WWOX: variants seen among roughly 807,000 people sequenced by gnomAD.
WWOX encodes WW domain-containing oxidoreductase.
WWOX carries 69 observed loss-of-function variants against 46.2 expected under a neutral mutation model. The observed-to-expected ratio is 1.49, with a 90% CI of 1.23 to 1.82. The LOEUF (loss-of-function observed/expected upper bound fraction) is 1.82. Ranked by LOEUF, WWOX falls within the 40% of genes most tolerant of loss-of-function variation. The pLI is 0.00. For synonymous variants in WWOX, 359 were observed against 202.6 expected, an observed-to-expected ratio of 1.77 and a Z score of -6.56; for missense variants, 919 against 542.6, an observed-to-expected ratio of 1.69 and a Z score of -6.89.
At chr16:78,973,909 T>G (rs2046521089) in intron 8 of WWOX, among the ~76,000 whole-genome samples, 1 of 152,236 alleles carries the variant, frequency 6.6e-6, no homozygotes, top group African/African-American at 2.4e-5. Context: ...TGTAGAATTT[T>G]GGTTTTTTCT....
At chr16:79,047,742 G>A (rs556300184) in intron 8 of WWOX, among the ~76,000 whole-genome samples, 10 of 131,182 alleles carry the variant, frequency 7.6e-5, no homozygotes, top group Admixed American at 2.6e-4. Context: ...GGAAGGTAAC[G>A]TCACAGGGCA....
At chr16:78,781,666 A>C (rs887130231) in intron 8 of WWOX, among the ~76,000 whole-genome samples, 1 of 152,156 alleles carries the variant, frequency 6.6e-6, no homozygotes, top group African/African-American at 2.4e-5. Context: ...TCATGCCTCT[A>C]ATCCTACCTG....
intron 8 of WWOX, among the ~76,000 whole-genome samples, chr16:79,003,843 G>C (rs899668595): frequency 2.6e-5 from 4 of 152,128 alleles, no homozygotes; most frequent in Admixed American, 6.5e-5. Context: ...CCACTGTATA[G>C]TCCTGAGCTC....
intron 8 of WWOX, among the ~76,000 whole-genome samples, chr16:79,136,241 T>A (rs1021483750): frequency 6.6e-6 from 1 of 152,046 alleles, no homozygotes. Flanking sequence ...CTTCTTTTTT[T>A]TTTTTTTTAA....
chr16:78,417,912 G>A lies in WWOX; in HGVS notation c.606-6958G>A, dbSNP rs550784598. On this transcript the variant is annotated intron_variant, in intron 6 of 8. Coordinates refer to ENST00000566780, the MANE Select transcript of WWOX (RefSeq NM_016373.4). Reference sequence around the variant, plus strand: ...TTCAGGTTTTAGGTAGGGGATGGGTGGGAAAACAGATGAGGCAACAGAATG... The same window carrying A: ...TTCAGGTTTTAGGTAGGGGATGGGTAGGAAAACAGATGAGGCAACAGAATG... 1.1e-3 allele frequency among the ~76,000 whole-genome samples: 164 copies of A among 152,282 alleles called. 1 individual carries two copies. The highest frequency in any genetic ancestry group is 1.9e-3 in the Non-Finnish European group (130 of 68,020).
At chr16:79,186,828 A>G (rs1402341689) in intron 8 of WWOX, among the ~76,000 whole-genome samples, 3 of 152,040 alleles carry the variant, frequency 2.0e-5, no homozygotes, top group East Asian at 1.9e-4. Flanking sequence ...CTTAGTCCAC[A>G]TTTCTCACCT....
At chr16:78,986,385 C>T (rs557037990) in intron 8 of WWOX, among the ~76,000 whole-genome samples, 5 of 152,254 alleles carry the variant, frequency 3.3e-5, no homozygotes, top group South Asian at 2.1e-4. Context: ...CTGTGCTCCA[C>T]GAAGAACAAT....
chr16:78,168,728 G>C (rs111834449), intron 5 of WWOX, among the ~76,000 whole-genome samples: 6 of 152,074 alleles, frequency 3.9e-5, no homozygotes, highest in Admixed American at 3.9e-4. Context: ...CTACCCTGTC[G>C]TCTCTTTATA....
intron 5 of WWOX, among the ~76,000 whole-genome samples, chr16:78,317,291 C>A (rs1346068149): frequency 6.6e-6 from 1 of 152,152 alleles, no homozygotes; most frequent in African/African-American, 2.4e-5. Context: ...GTCTGTCTCT[C>A]TCTGTCTCTG....
intron 4 of WWOX, among the ~76,000 whole-genome samples, chr16:78,128,097 G>A (rs985431384): frequency 1.5e-4 from 23 of 152,080 alleles, no homozygotes; most frequent in Non-Finnish European, 3.2e-4. Context: ...ATAGAAGAAA[G>A]ACTCCTAAAG....
At chr16:79,099,709 T>C (rs2049153233) in intron 8 of WWOX, among the ~76,000 whole-genome samples, 1 of 152,220 alleles carries the variant, frequency 6.6e-6, no homozygotes, top group Middle Eastern at 3.4e-3. Context: ...GGGCCGAAAA[T>C]AACATGAACT....
chr16:78,654,299 A>C (rs1217848552), intron 8 of WWOX, among the ~76,000 whole-genome samples: 2 of 152,226 alleles, frequency 1.3e-5, no homozygotes, highest in African/African-American at 4.8e-5. Context: ...ATGAAACATA[A>C]ATCCCTTTGT....
intron 8 of WWOX, among the ~76,000 whole-genome samples, chr16:79,014,716 A>C (rs929346416): frequency 1.3e-5 from 2 of 152,232 alleles, no homozygotes; most frequent in African/African-American, 4.8e-5. Context: ...AAGGCATAGA[A>C]ATTGAGTCAC....
rs374321971 is a variant in WWOX at position 78,179,308 on chromosome 16, C to T, written c.516+15019C>T. Among the ~76,000 whole-genome samples, 7 of 152,252 alleles carry T rather than the reference C, an allele frequency of 4.6e-5. No individual in the cohort carries two copies. In the East Asian group the frequency reaches 1.2e-3, roughly 25 times the overall value. On this transcript the variant is annotated intron_variant, in intron 5 of 8. Coordinates refer to ENST00000566780, the MANE Select transcript of WWOX (RefSeq NM_016373.4). ...TGAATTAGTAAAGTCATTTGTCCTT[C>T]TGGAAAGAGTTATGGATTAACAGAT...
At chr16:79,042,535 T>C (rs1429293859) in intron 8 of WWOX, among the ~76,000 whole-genome samples, 2 of 152,036 alleles carry the variant, frequency 1.3e-5, no homozygotes, top group Non-Finnish European at 2.9e-5. Flanking sequence ...ACTTACTCAA[T>C]AAAATGTGGG....
At chr16:78,221,679 G>A (rs2036893118) in intron 5 of WWOX, among the ~76,000 whole-genome samples, 1 of 152,182 alleles carries the variant, frequency 6.6e-6, no homozygotes, top group South Asian at 2.1e-4. Context: ...TGACCCAAGA[G>A]CTAAGCCTTG....
intron 8 of WWOX, among the ~76,000 whole-genome samples, chr16:78,904,586 C>T (rs2044912940): frequency 6.6e-6 from 1 of 152,096 alleles, no homozygotes; most frequent in Non-Finnish European, 1.5e-5. Context: ...TAAACCCTCC[C>T]TTCCCCAGGT....
chr16:78,883,255 A>G (rs933368747), intron 8 of WWOX, among the ~76,000 whole-genome samples: 1 of 152,156 alleles, frequency 6.6e-6, no homozygotes, highest in African/African-American at 2.4e-5. Context: ...CAAGCTCCTG[A>G]ACCCATCTGG....
chr16:78,517,857 T>G (rs2043271186), intron 8 of WWOX, among the ~76,000 whole-genome samples: 1 of 8,314 alleles, frequency 1.2e-4, no homozygotes, highest in South Asian at 7.7e-3. Context: ...CACAACCTAT[T>G]TTTTTTTTTT....
Sources: allele counts gnomAD v4.1 joint callset (sites outside exome capture counted in the v4.1 genomes callset), GRCh38; gene constraint gnomAD v4.1.1; transcripts MANE v1.5; gene names NCBI Gene and HGNC (gene_info 2026-07-23, HGNC 2026-07-21).